Variants in ADARB2 observed in about 807,000 individuals in gnomAD.
ADARB2 encodes adenosine deaminase RNA specific B2 (inactive).
In ADARB2, 25 loss-of-function variants were observed where a neutral mutation model predicts 62.2. The observed-to-expected ratio is 0.40, with a 90% CI of 0.29 to 0.56. The LOEUF (loss-of-function observed/expected upper bound fraction) is 0.56, where lower values mean the gene tolerates loss of function less well. Among genes scored for constraint, ADARB2 ranks in the 20% least tolerant of loss-of-function variants. The pLI, the probability that ADARB2 is intolerant of heterozygous loss-of-function variation, is 0.43. For synonymous variants in ADARB2, 572 were observed against 500.8 expected, an observed-to-expected ratio of 1.14 and a Z score of -1.90; for missense variants, 1,071 against 1,077.4, an observed-to-expected ratio of 0.99 and a Z score of 0.08.
intron 1 of ADARB2, among the ~76,000 whole-genome samples, chr10:1,575,078 G>C (rs1038424432): frequency 7.9e-5 from 2 of 25,230 alleles, no homozygotes; most frequent in African/African-American, 4.0e-4. Flanking sequence ...CCTTGTACAG[G>C]TTATTAAGCT....
rs1831193446 is a variant in ADARB2 at position 1,462,729 on chromosome 10, G to T, written c.101-83569C>A. On this transcript the variant is annotated intron_variant, in intron 1 of 9. Coordinates refer to ENST00000381312, the MANE Select transcript of ADARB2 (RefSeq NM_018702.4). ...TGTATGTGCATGACTGTATGTGCAT[G>T]TGTGTATGTGCCTGTGTGTATGTAT... is the stretch of plus-strand genomic sequence containing the variant. Among the ~76,000 whole-genome samples the T allele has an allele frequency of 2.0e-5, 3 of 152,118 alleles. No individual in the cohort carries two copies. The South Asian group carries it at 6.2e-4, about 32-fold the overall frequency.
At chr10:1,284,777 C>G (rs1831398445) in intron 3 of ADARB2, among the ~76,000 whole-genome samples, 1 of 152,158 alleles carries the variant, frequency 6.6e-6, no homozygotes, top group African/African-American at 2.4e-5. Flanking sequence ...GAAAACAAAT[C>G]CAACCATACA....
intron 3 of ADARB2, among the ~76,000 whole-genome samples, chr10:1,330,663 G>A (rs1176729121): frequency 6.6e-6 from 1 of 152,186 alleles, no homozygotes; most frequent in East Asian, 1.9e-4. Flanking sequence ...AAGCACAGAA[G>A]TAAATCTTTG....
intron 1 of ADARB2, among the ~76,000 whole-genome samples, chr10:1,733,074 A>G (rs2119050306): frequency 6.6e-6 from 1 of 152,330 alleles, no homozygotes; most frequent in African/African-American, 2.4e-5. Flanking sequence ...CAAATGCCTC[A>G]AAGAGGTGTC....
intron 1 of ADARB2, among the ~76,000 whole-genome samples, chr10:1,550,320 C>T (rs1270173230): frequency 2.6e-5 from 4 of 152,194 alleles, no homozygotes; most frequent in Non-Finnish European, 5.9e-5. Context: ...CTCAAAGTAC[C>T]ACGGAAAATG....
intron 3 of ADARB2, among the ~76,000 whole-genome samples, chr10:1,273,880 C>A (rs1831288297): frequency 6.6e-6 from 1 of 152,188 alleles, no homozygotes; most frequent in South Asian, 2.1e-4. Flanking sequence ...AGCCCTGGCT[C>A]TGGGACCGGG....
At chr10:1,450,661 T>A (rs1173466566) in intron 1 of ADARB2, among the ~76,000 whole-genome samples, 2 of 152,152 alleles carry the variant, frequency 1.3e-5, no homozygotes, top group Non-Finnish European at 2.9e-5. Context: ...AGGATCTGAG[T>A]GCAGGTGGAT....
At chr10:1,279,256 T>C (rs1048360673) in intron 3 of ADARB2, among the ~76,000 whole-genome samples, 1 of 152,212 alleles carries the variant, frequency 6.6e-6, no homozygotes, top group African/African-American at 2.4e-5. Context: ...ACATGAACTC[T>C]CCTTTGTGTA....
intron 1 of ADARB2, among the ~76,000 whole-genome samples, chr10:1,604,272 A>C (rs1033759819): frequency 2.0e-5 from 3 of 152,238 alleles, no homozygotes; most frequent in Non-Finnish European, 1.5e-5. Flanking sequence ...TATTTTCTCC[A>C]GAAGTTAGTG....
At position 1,327,864 on chromosome 10, in the gene ADARB2, G is replaced by A. The variant is rs371361382; in HGVS notation, c.1077+35164C>T. 8.3e-4 allele frequency among the ~76,000 whole-genome samples: 69 copies of A among 83,470 alleles called. 16 individuals are homozygous for A. Among genetic ancestry groups the A allele is most frequent in the African/African-American group, 3.5e-3 (61 of 17,540 alleles). The allele number at this position is 83,470 out of a possible 152,430, so 54.8% of individuals were successfully genotyped here. ...GCTCAGTGCCTCCTCACAGCTCAGC[G>A]CCTCCTCACAGCTCAGCGCCTCCTC... On this transcript the variant is annotated intron_variant, in intron 3 of 9. Transcript: ENST00000381312.
chr10:1,509,583 T>G (rs556460525), intron 1 of ADARB2, among the ~76,000 whole-genome samples: 52 of 152,364 alleles, frequency 3.4e-4, no homozygotes, highest in African/African-American at 1.2e-3. Context: ...CTGCAGGATT[T>G]GCAGATAGGC....
rs1172926990 is a variant in ADARB2, at chr10:1,704,093, A to G, written c.100+32958T>C. 6.6e-6 allele frequency among the ~76,000 whole-genome samples: 1 copy of G among 152,244 alleles called. No homozygotes were observed. The highest frequency in any genetic ancestry group is 1.5e-5 in the Non-Finnish European group (1 of 68,046). On this transcript the variant is annotated intron_variant, in intron 1 of 9. Coordinates refer to ENST00000381312, the MANE Select transcript of ADARB2 (RefSeq NM_018702.4). This position sits in a 1 kb window ranked among gnomAD's most constrained non-coding sequence, Gnocchi z 5.6. Reference sequence around the variant, plus strand: ...CTAACTTCCTGTGGGTCAGGAATCCAGGAGCAGCCTCACTCTTGCTGTAAG... The same window carrying G: ...CTAACTTCCTGTGGGTCAGGAATCCGGGAGCAGCCTCACTCTTGCTGTAAG...
At chr10:1,602,069 G>T (rs1481185092) in intron 1 of ADARB2, among the ~76,000 whole-genome samples, 4 of 152,172 alleles carry the variant, frequency 2.6e-5, no homozygotes, top group African/African-American at 7.2e-5. Flanking sequence ...TGCAAACGGA[G>T]CAGGGACAGG....
At chr10:1,685,177 G>A (rs924582252) in intron 1 of ADARB2, among the ~76,000 whole-genome samples, 3 of 152,186 alleles carry the variant, frequency 2.0e-5, no homozygotes, top group Non-Finnish European at 2.9e-5. Context: ...CCCGGGGTGC[G>A]AGCTGTGTGA....
intron 2 of ADARB2, among the ~76,000 whole-genome samples, chr10:1,372,609 G>A (rs1832383118): frequency 6.6e-6 from 1 of 152,174 alleles, no homozygotes; most frequent in Non-Finnish European, 1.5e-5. Context: ...CATCTCACAG[G>A]GTGGTGCCAG....
At chr10:1,221,606 C>T (rs1830696867) in intron 6 of ADARB2, among the ~76,000 whole-genome samples, 1 of 151,120 alleles carries the variant, frequency 6.6e-6, no homozygotes, top group African/African-American at 2.4e-5. Context: ...TGTGATGTTC[C>T]CCTTCCTGTG....
intron 1 of ADARB2, among the ~76,000 whole-genome samples, chr10:1,489,145 A>G (rs1394022106): frequency 6.6e-6 from 1 of 152,210 alleles, no homozygotes; most frequent in African/African-American, 2.4e-5. Context: ...TTCTTGGCCA[A>G]AGTTACTCCC....
chr10:1,215,580 G>C (rs989507759), intron 7 of ADARB2: 2 of 152,186 alleles, frequency 1.3e-5, no homozygotes, highest in Non-Finnish European at 2.9e-5. Context: ...CCACAGCCTC[G>C]TTGGGAGTTG....
intron 1 of ADARB2, among the ~76,000 whole-genome samples, chr10:1,430,538 G>T (rs1402459841): frequency 1.3e-5 from 2 of 152,184 alleles, no homozygotes; most frequent in African/African-American, 4.8e-5. Context: ...TATATGGATT[G>T]AAATTAAAAG....
Sources: gnomAD v4.1 joint callset for allele counts (sites outside exome capture counted in the v4.1 genomes callset) on GRCh38, gnomAD v4.1.1 for gene constraint, Gnocchi (gnomAD v3.1) non-coding constraint, MANE v1.5 for transcripts, NCBI Gene and HGNC (gene_info 2026-07-23, HGNC 2026-07-21) for gene names.